ATP10B: variants seen among roughly 807,000 people sequenced by gnomAD.
ATP10B encodes ATPase phospholipid transporting 10B (putative), also known as phospholipid-transporting ATPase VB.
In ATP10B, 122 loss-of-function variants were observed where a neutral mutation model predicts 141.2. The observed-to-expected ratio is 0.86, with a 90% CI of 0.75 to 1.00. ATP10B has a LOEUF of 1.00. Among genes scored for constraint, ATP10B ranks in the 50% least tolerant of loss-of-function variants. The pLI is 0.00. For synonymous variants in ATP10B, 685 were observed against 692.0 expected, an observed-to-expected ratio of 0.99 and a Z score of 0.16; for missense variants, 1,876 against 1,825.3, an observed-to-expected ratio of 1.03 and a Z score of -0.51.
intron 2 of ATP10B, among the ~76,000 whole-genome samples, chr5:160,742,532 G>A (rs1767550622): frequency 6.6e-6 from 1 of 152,172 alleles, no homozygotes; most frequent in Admixed American, 6.5e-5. Context: ...CTATACCTAA[G>A]ATTTACCTCT....
the ATP10B span, among the ~76,000 whole-genome samples, chr5:160,862,553 C>T: frequency 2.6e-5 from 4 of 152,072 alleles, no homozygotes; most frequent in Middle Eastern, 3.4e-3. Flanking sequence ...CTTTGAGAAT[C>T]GCTGGTATAC....
chr5:160,616,352 C>T (rs1757998372), intron 16 of ATP10B, among the ~76,000 whole-genome samples: 1 of 152,182 alleles, frequency 6.6e-6, no homozygotes, highest in Non-Finnish European at 1.5e-5. Context: ...GAATAGGGGG[C>T]TGCCTTCTTT....
At chr5:160,594,189 C>T (rs1226082657) in intron 22 of ATP10B, among the ~76,000 whole-genome samples, 1 of 152,216 alleles carries the variant, frequency 6.6e-6, no homozygotes, top group Non-Finnish European at 1.5e-5. Context: ...CAGCTGATCT[C>T]TCAGCAGAAA....
In ATP10B at chr5:160,565,912, CA is replaced by C; in HGVS notation, c.3939-13del. The C allele has an allele frequency of 6.3e-7, 1 of 1,592,236 alleles. No homozygotes were observed. ...ACAGGAAAAAGTATCTGGTGGGAAA[CA>C]ACAGAATAAAGATATTTCTGATTTC... On this transcript the variant is annotated splice_polypyrimidine_tract_variant and intron_variant, in intron 25 of 25. Coordinates refer to ENST00000327245, the MANE Select transcript of ATP10B (RefSeq NM_025153.3).
At position 160,687,977 on chromosome 5, in the gene ATP10B, G is replaced by GGA. The variant is rs747599366; in HGVS notation, c.96_97dup (p.Pro33LeufsTer11). 6.2e-7 allele frequency: 1 copy of GGA among 1,614,140 alleles called. No individual in the cohort carries two copies. The highest frequency in any genetic ancestry group is 1.1e-5 in the South Asian group (1 of 91,080). On this transcript the variant is annotated frameshift_variant, in exon 5 of 26. Coordinates refer to ENST00000327245, the MANE Select transcript of ATP10B (RefSeq NM_025153.3). LOFTEE classifies it high-confidence loss of function. ...GTTGTAGCTCTGTCTCCCTTTCTCT[G>GGA]GAGAGAGCAGCGGTGTGGTTTCCGA...
At chr5:160,699,306 G>A (rs1764548368) in intron 3 of ATP10B, among the ~76,000 whole-genome samples, 1 of 152,178 alleles carries the variant, frequency 6.6e-6, no homozygotes, top group Non-Finnish European at 1.5e-5. Context: ...CTTTTGGTAT[G>A]TTTTACTGAC....
At chr5:160,724,060 T>C (rs1766162304) in intron 2 of ATP10B, among the ~76,000 whole-genome samples, 1 of 151,934 alleles carries the variant, frequency 6.6e-6, no homozygotes, top group South Asian at 2.1e-4. Flanking sequence ...CATTTGTAAG[T>C]GGGAACTAAA....
At chr5:160,854,638 T>C (rs1753951733), upstream of ATP10B, among the ~76,000 whole-genome samples, 1 of 152,176 alleles carries the variant, frequency 6.6e-6, no homozygotes, top group African/African-American at 2.4e-5. Flanking sequence ...AACATACCTG[T>C]GCATGTGTCT....
chr5:160,738,368 G>GA (rs1432319074), intron 2 of ATP10B, among the ~76,000 whole-genome samples: 1 of 151,742 alleles, frequency 6.6e-6, no homozygotes, highest in Admixed American at 6.6e-5. Flanking sequence ...TTATGAATTA[G>GA]AAAAACATCA....
intron 2 of ATP10B, among the ~76,000 whole-genome samples, chr5:160,735,337 G>A (rs1206095370): frequency 3.3e-5 from 5 of 151,860 alleles, no homozygotes; most frequent in African/African-American, 9.7e-5. Flanking sequence ...CTAAAAAAGA[G>A]CAAGATATCT....
chr5:160,723,199 A>G (rs1766099613), intron 2 of ATP10B, among the ~76,000 whole-genome samples: 1 of 152,212 alleles, frequency 6.6e-6, no homozygotes, highest in Admixed American at 6.5e-5. Flanking sequence ...TCATACTTCT[A>G]TGCATTAAAT....
At chr5:160,758,289 G>A (rs1285416153) in intron 2 of ATP10B, among the ~76,000 whole-genome samples, 1 of 151,998 alleles carries the variant, frequency 6.6e-6, no homozygotes, top group African/African-American at 2.4e-5. Flanking sequence ...TGTAACTTGA[G>A]TATATAACAA....
the ATP10B span, among the ~76,000 whole-genome samples, chr5:160,895,707 A>T: frequency 6.6e-6 from 1 of 152,346 alleles, no homozygotes; most frequent in East Asian, 1.9e-4. Flanking sequence ...CCTAATAGAC[A>T]TCTACAGACC....
At chr5:160,591,686 G>A (rs772572273) in intron 22 of ATP10B, among the ~76,000 whole-genome samples, 8 of 152,124 alleles carry the variant, frequency 5.3e-5, no homozygotes, top group African/African-American at 7.2e-5. Flanking sequence ...GCCTTCTCAG[G>A]CATTAATCTT....
At chr5:160,708,146 G>A (rs1037712135) in intron 3 of ATP10B, among the ~76,000 whole-genome samples, 2 of 152,188 alleles carry the variant, frequency 1.3e-5, no homozygotes, top group Non-Finnish European at 2.9e-5. Context: ...GTTCCCTGGT[G>A]TCCAGGGAGG....
At chr5:160,749,562 A>G (rs1228677890) in intron 2 of ATP10B, among the ~76,000 whole-genome samples, 1 of 152,162 alleles carries the variant, frequency 6.6e-6, no homozygotes, top group African/African-American at 2.4e-5. Context: ...TCATCCCTCC[A>G]ATACATAGAA....
chr5:160,647,086 C>A (rs996607125), intron 8 of ATP10B, among the ~76,000 whole-genome samples: 4 of 152,200 alleles, frequency 2.6e-5, no homozygotes, highest in Non-Finnish European at 5.9e-5. Flanking sequence ...TGGTTGAGAA[C>A]CACTGCTCTG....
chr5:160,838,532 A>C (rs1775607169), intron 1 of ATP10B, among the ~76,000 whole-genome samples: 1 of 152,202 alleles, frequency 6.6e-6, no homozygotes, highest in Non-Finnish European at 1.5e-5. Flanking sequence ...TAATTATGTT[A>C]AAAACCATGG....
intron 21 of ATP10B, among the ~76,000 whole-genome samples, chr5:160,602,089 A>G (rs1415178191): frequency 3.3e-5 from 5 of 152,242 alleles, no homozygotes; most frequent in Admixed American, 1.3e-4. Flanking sequence ...TATGAGACTT[A>G]ACTCCAAGAG....
Sources: gnomAD v4.1 joint callset for allele counts (sites outside exome capture counted in the v4.1 genomes callset) on GRCh38, gnomAD v4.1.1 for gene constraint, MANE v1.5 for transcripts, NCBI Gene and HGNC (gene_info 2026-07-23, HGNC 2026-07-21) for gene names.